Variants in DAB1 observed in about 807,000 individuals in gnomAD.
The protein encoded by DAB1 is disabled homolog 1.
Under a neutral mutation model 64.6 loss-of-function variants are expected in DAB1, and 15 were observed. The observed-to-expected ratio is 0.23, with a 90% confidence interval of 0.16 to 0.36. DAB1 has a LOEUF of 0.36. Among genes scored for constraint, DAB1 ranks in the 10% least tolerant of loss-of-function variants. The probability of loss-of-function intolerance (pLI) is 1.00; values close to 1 mark genes in which losing one functional copy is unlikely to be tolerated. For missense variants in DAB1, 596 were observed against 706.7 expected, an observed-to-expected ratio of 0.84 and a Z score of 1.78; for synonymous variants, 235 against 251.9, an observed-to-expected ratio of 0.93 and a Z score of 0.64.
At chr1:58,143,632 G>A (rs1047903160) in intron 5 of DAB1, among the ~76,000 whole-genome samples, 1 of 152,126 alleles carries the variant, frequency 6.6e-6, no homozygotes, top group Admixed American at 6.5e-5. Context: ...ATTATTGTAT[G>A]GATTCAATAT....
chr1:58,472,521 G>A (rs1267278290), intron 3 of DAB1, among the ~76,000 whole-genome samples: 2 of 152,198 alleles, frequency 1.3e-5, no homozygotes, highest in Non-Finnish European at 2.9e-5. Flanking sequence ...CCCTTCAAGT[G>A]AGTCAGTGAC....
At chr1:57,362,433 A>G (rs1286091587) in intron 1 of DAB1, among the ~76,000 whole-genome samples, 2 of 152,116 alleles carry the variant, frequency 1.3e-5, no homozygotes, top group African/African-American at 2.4e-5. Flanking sequence ...CAAAACACCA[A>G]TTTCTTTCAT....
At chr1:58,509,303 G>A (rs749842724) in intron 2 of DAB1, among the ~76,000 whole-genome samples, 1 of 151,440 alleles carries the variant, frequency 6.6e-6, no homozygotes, top group African/African-American at 2.4e-5. Flanking sequence ...AACAATGTAC[G>A]AACAAAGTGA....
chr1:57,744,001 G>T (rs562859113), intron 6 of DAB1, among the ~76,000 whole-genome samples: 18 of 152,174 alleles, frequency 1.2e-4, no homozygotes, highest in Non-Finnish European at 2.2e-4. Context: ...GCAGTTTTCC[G>T]CCCTGGGCGG....
intron 4 of DAB1, among the ~76,000 whole-genome samples, chr1:58,250,319 G>A (rs1422485233): frequency 6.6e-6 from 1 of 152,206 alleles, no homozygotes; most frequent in Non-Finnish European, 1.5e-5. Flanking sequence ...AGCGGGCTCC[G>A]CTTTTGTTCC....
chr1:57,567,257 G>A lies in DAB1; in HGVS notation n.625+82335C>T, dbSNP rs145908514. ...CATGCTAAAAACTCTCAATAAATTA[G>A]GTATTGATGGGATGTATCTCAAAAT... On this transcript the variant is annotated intron_variant and non_coding_transcript_variant, in intron 7 of 20. Transcript: ENST00000485760. Among the ~76,000 whole-genome samples the A allele has an allele frequency of 8.3e-3, 1,269 of 152,210 alleles. 18 individuals carry two copies. The highest frequency in any genetic ancestry group is 0.029 in the African/African-American group (1,215 of 41,524).
In DAB1 at chr1:58,137,541, C is replaced by T. The variant is rs1237214; in HGVS notation, n.387+12970G>A. 9.7e-4 allele frequency among the ~76,000 whole-genome samples: 147 copies of T among 152,256 alleles called. 1 individual carries two copies. The highest frequency in any genetic ancestry group is 3.4e-3 in the African/African-American group (141 of 41,552). On this transcript the variant is annotated intron_variant and non_coding_transcript_variant, in intron 5 of 20. Coordinates refer to the DAB1 transcript ENST00000485760. ...CATCCAACCACCCCCATCCATCCATCGGTCTATCCATCCATCCACCTCTAT... is the reference window on the plus strand; with the variant it reads ...CATCCAACCACCCCCATCCATCCATTGGTCTATCCATCCATCCACCTCTAT...
At chr1:58,475,128 G>T (rs561553860) in intron 3 of DAB1, among the ~76,000 whole-genome samples, 1 of 152,184 alleles carries the variant, frequency 6.6e-6, no homozygotes, top group African/African-American at 2.4e-5. Context: ...GACAAGAGCC[G>T]TAATGGATTA....
chr1:58,159,457 G>T (rs1655396195), intron 4 of DAB1, among the ~76,000 whole-genome samples: 1 of 152,214 alleles, frequency 6.6e-6, no homozygotes, highest in Non-Finnish European at 1.5e-5. Context: ...GGATGTCTCT[G>T]GAAGTACAAA....
chr1:58,073,449 A>G (rs2764686), intron 5 of DAB1, among the ~76,000 whole-genome samples: 3 of 152,022 alleles, frequency 2.0e-5, no homozygotes, highest in Admixed American at 2.0e-4. Context: ...CCTGAGTAGA[A>G]ACTCAAAACA....
At chr1:57,213,079 C>T (rs1260423577) in intron 2 of DAB1, among the ~76,000 whole-genome samples, 2 of 150,958 alleles carry the variant, frequency 1.3e-5, no homozygotes, top group Non-Finnish European at 2.9e-5. Context: ...GCCCAGGGCC[C>T]AGCTGGGTGA....
chr1:57,868,488 T>C (rs1437153804), intron 1 of DAB1, among the ~76,000 whole-genome samples: 1 of 152,140 alleles, frequency 6.6e-6, no homozygotes, highest in Non-Finnish European at 1.5e-5. Context: ...GCTGGCCTGG[T>C]CTTGTCATTA....
intron 5 of DAB1, among the ~76,000 whole-genome samples, chr1:57,964,108 A>AG (rs923106099): frequency 2.2e-4 from 33 of 152,138 alleles, no homozygotes; most frequent in African/African-American, 6.3e-4. Flanking sequence ...GGGAGGGGCT[A>AG]GGGGTAACAG....
chr1:57,498,411 T>G (rs919250136), intron 7 of DAB1, among the ~76,000 whole-genome samples: 1 of 152,104 alleles, frequency 6.6e-6, no homozygotes, highest in Non-Finnish European at 1.5e-5. Flanking sequence ...AAAGATGGCC[T>G]GAAAGGGCAC....
At chr1:58,369,201 T>C (rs1218581948) in intron 3 of DAB1, among the ~76,000 whole-genome samples, 7 of 152,214 alleles carry the variant, frequency 4.6e-5, no homozygotes, top group Non-Finnish European at 7.3e-5. Context: ...ATTGGCTTTT[T>C]TCCCCCTCCA....
intron 1 of DAB1, among the ~76,000 whole-genome samples, chr1:57,400,689 T>C (rs140933448): frequency 1.4e-3 from 213 of 152,108 alleles, no homozygotes; most frequent in African/African-American, 4.8e-3. Context: ...CCTGTTTATT[T>C]GAGAGAATTC....
intron 4 of DAB1, among the ~76,000 whole-genome samples, chr1:58,191,283 T>C (rs571037187): frequency 2.6e-4 from 39 of 152,356 alleles, no homozygotes; most frequent in Admixed American, 2.3e-3. Flanking sequence ...TAAGTACTGT[T>C]ATTATCCCCA....
At chr1:57,711,628 G>C (rs575639955) in intron 6 of DAB1, among the ~76,000 whole-genome samples, 1 of 152,202 alleles carries the variant, frequency 6.6e-6, no homozygotes. Flanking sequence ...TTAATGAGTA[G>C]GTTGTTAGAA....
At chr1:57,766,674 C>T (rs998746678) in intron 6 of DAB1, among the ~76,000 whole-genome samples, 6 of 150,094 alleles carry the variant, frequency 4.0e-5, no homozygotes, top group Middle Eastern at 3.2e-3. Flanking sequence ...AGTCATCTAG[C>T]GGGTGTCCTA....
Sources: gnomAD v4.1 joint callset for allele counts (sites outside exome capture counted in the v4.1 genomes callset) on GRCh38, gnomAD v4.1.1 for gene constraint, MANE v1.5 for transcripts, NCBI Gene and HGNC (gene_info 2026-07-23, HGNC 2026-07-21) for gene names.